CSMD3: variants seen among roughly 807,000 people sequenced by gnomAD.
CSMD3 encodes the protein CUB and Sushi multiple domains 3.
Under a neutral mutation model 435.2 loss-of-function variants are expected in CSMD3, and 177 were observed. The observed-to-expected ratio is 0.41, with a 90% CI of 0.36 to 0.46. The LOEUF (loss-of-function observed/expected upper bound fraction) is 0.46, where lower values mean the gene tolerates loss of function less well. Among genes scored for constraint, CSMD3 ranks in the 20% least tolerant of loss-of-function variants. The pLI is 0.34. For synonymous variants in CSMD3, 1,656 were observed against 1,520.5 expected, an observed-to-expected ratio of 1.09 and a Z score of -2.07; for missense variants, 4,265 against 4,504.6, an observed-to-expected ratio of 0.95 and a Z score of 1.52.
chr8:112,397,335 G>A (rs1450092367), intron 35 of CSMD3, among the ~76,000 whole-genome samples: 1 of 151,992 alleles, frequency 6.6e-6, no homozygotes, highest in Non-Finnish European at 1.5e-5. Context: ...TCAACTTTAT[G>A]GATTTACACC....
At chr8:113,302,646 A>G (rs548515638) in intron 2 of CSMD3, among the ~76,000 whole-genome samples, 1 of 152,144 alleles carries the variant, frequency 6.6e-6, no homozygotes, top group East Asian at 1.9e-4. Context: ...ATGCCATTTT[A>G]CTGATGAGAA....
chr8:113,015,893 G>A (rs2086438567), intron 6 of CSMD3, among the ~76,000 whole-genome samples: 1 of 151,748 alleles, frequency 6.6e-6, no homozygotes, highest in Non-Finnish European at 1.5e-5. Context: ...TAAGTAAGAG[G>A]ACTTCCAAAC....
At chr8:112,881,753 T>C (rs1225695041) in intron 10 of CSMD3, among the ~76,000 whole-genome samples, 1 of 151,952 alleles carries the variant, frequency 6.6e-6, no homozygotes, top group Non-Finnish European at 1.5e-5. Flanking sequence ...TAAAGTGGCA[T>C]TCAAGACCTT....
chr8:113,113,948 G>A (rs574871212), intron 4 of CSMD3, among the ~76,000 whole-genome samples: 1 of 152,222 alleles, frequency 6.6e-6, no homozygotes, highest in Admixed American at 6.5e-5. Flanking sequence ...ATAAATTGCA[G>A]AATCATCATA....
chr8:112,544,498 C>T (rs1163473707), intron 27 of CSMD3, among the ~76,000 whole-genome samples: 1 of 152,126 alleles, frequency 6.6e-6, no homozygotes, highest in Non-Finnish European at 1.5e-5. Context: ...TTTCTGTTCA[C>T]ACAGCTAAAT....
At chr8:113,348,990 T>C (rs2132895747) in intron 1 of CSMD3, among the ~76,000 whole-genome samples, 1 of 152,274 alleles carries the variant, frequency 6.6e-6, no homozygotes. Context: ...CTATTTGGTA[T>C]ATGTATATAC....
chr8:112,365,464 TTTCC>T (rs1324716061), intron 38 of CSMD3, among the ~76,000 whole-genome samples: 1 of 129,094 alleles, frequency 7.7e-6, no homozygotes, highest in African/African-American at 3.1e-5. Context: ...TACGCATAGA[TTTCC>T]TTTTTTTTTT....
intron 59 of CSMD3, among the ~76,000 whole-genome samples, chr8:112,279,015 AC>A (rs1818367056): frequency 8.3e-5 from 2 of 24,168 alleles, no homozygotes; most frequent in African/African-American, 5.1e-4. Context: ...CCCCCAAAAA[AC>A]AACAACAACA....
intron 12 of CSMD3, among the ~76,000 whole-genome samples, chr8:112,821,262 C>A (rs1344716809): frequency 2.6e-5 from 4 of 152,168 alleles, no homozygotes; most frequent in African/African-American, 4.8e-5. Context: ...AATTTACATT[C>A]TTACCAGCAA....
chr8:112,699,661 A>G (rs2076343979), intron 13 of CSMD3, among the ~76,000 whole-genome samples: 3 of 152,206 alleles, frequency 2.0e-5, no homozygotes, highest in African/African-American at 4.8e-5. Context: ...TAGGACGTAT[A>G]TTCAGGTATA....
At chr8:112,888,297 A>C (rs1480036582) in intron 10 of CSMD3, among the ~76,000 whole-genome samples, 1 of 151,640 alleles carries the variant, frequency 6.6e-6, no homozygotes, top group East Asian at 2.0e-4. Flanking sequence ...CGGATAATCG[A>C]ATCATTGGAC....
intron 19 of CSMD3, among the ~76,000 whole-genome samples, chr8:112,649,819 A>AT (rs2075078519): frequency 6.6e-6 from 1 of 152,086 alleles, no homozygotes; most frequent in Non-Finnish European, 1.5e-5. Flanking sequence ...CAAATGCTGC[A>AT]TTTTTTTCAG....
chr8:112,938,015 A>G (rs2083338444), intron 9 of CSMD3, among the ~76,000 whole-genome samples: 1 of 152,186 alleles, frequency 6.6e-6, no homozygotes, highest in African/African-American at 2.4e-5. Flanking sequence ...TTCTTGCCAT[A>G]CCCAACTAAA....
chr8:112,850,972 T>A (rs2080466336), intron 11 of CSMD3, among the ~76,000 whole-genome samples: 1 of 152,180 alleles, frequency 6.6e-6, no homozygotes, highest in Admixed American at 6.5e-5. Context: ...AAATAATGAG[T>A]TTTGTGTAGT....
At chr8:112,700,204 T>C (rs1054263703) in intron 13 of CSMD3, among the ~76,000 whole-genome samples, 12 of 152,132 alleles carry the variant, frequency 7.9e-5, no homozygotes, top group African/African-American at 2.9e-4. Flanking sequence ...GATGCTTCTA[T>C]CAAAAGGTAG....
At chr8:112,610,147 GAAGAGAGATCTT>G (rs1469536215) in intron 22 of CSMD3, among the ~76,000 whole-genome samples, 1 of 152,074 alleles carries the variant, frequency 6.6e-6, no homozygotes, top group East Asian at 1.9e-4. Flanking sequence ...AAAATTTGCT[GAAGAGAGATCTT>G]AAATATTCTC....
At chr8:112,254,772 T>C (rs1273221212) in intron 62 of CSMD3, among the ~76,000 whole-genome samples, 1 of 152,086 alleles carries the variant, frequency 6.6e-6, no homozygotes, top group Non-Finnish European at 1.5e-5. Flanking sequence ...CATAGGATAT[T>C]CAGGCATAAT....
At chr8:113,394,285 A>T (rs75881259) in intron 1 of CSMD3, among the ~76,000 whole-genome samples, 4,826 of 152,206 alleles carry the variant, frequency 0.032, 106 homozygotes, top group Middle Eastern at 0.078. Flanking sequence ...TAATATATGT[A>T]CATGCACTGT....
rs756914801 is a variant in CSMD3, at chr8:112,800,197, C to G, written c.1937G>C (p.Ser646Thr). 3 of 1,612,636 alleles carry G rather than the reference C, an allele frequency of 1.9e-6. No individual in the cohort carries two copies. Among genetic ancestry groups the G allele is most frequent in the Non-Finnish European group, 2.5e-6 (3 of 1,178,980 alleles). Residue 646 changes from serine (S) to threonine (T), a missense_variant, in exon 13 of 71, where the codon AGT becomes ACT. Physicochemically the swap from Ser to Thr is moderately conservative, Grantham distance 58. This residue lies in a region of CSMD3 where 279 missense variants were observed against 369.0 expected (regional missense o/e 0.76). Transcript: ENST00000297405. ...QMWLHLQTDE[S>T]VGSVGFKVNY... Reference sequence around the variant, plus strand: ...AACCTTGAAACCAACAGATCCAACACTTTCGTCCGTTTGAAGGTGCAGCCA... The same window carrying G: ...AACCTTGAAACCAACAGATCCAACAGTTTCGTCCGTTTGAAGGTGCAGCCA...
Sources: allele counts gnomAD v4.1 joint callset (sites outside exome capture counted in the v4.1 genomes callset), GRCh38; gene constraint gnomAD v4.1.1; regional missense constraint gnomAD v4.1.1; transcripts MANE v1.5; gene names NCBI Gene and HGNC (gene_info 2026-07-23, HGNC 2026-07-21).